Variants in EYS observed in about 807,000 individuals in gnomAD.
EYS encodes the protein protein eyes shut homolog.
In EYS, 250 loss-of-function variants were observed where a neutral mutation model predicts 282.1. The observed-to-expected ratio is 0.89, with a 90% CI of 0.80 to 0.98. The LOEUF (loss-of-function observed/expected upper bound fraction) is 0.98. Among genes scored for constraint, EYS ranks in the 50% least tolerant of loss-of-function variants. EYS has a pLI of 0.00. For missense variants in EYS, 4,016 were observed against 3,709.0 expected, an observed-to-expected ratio of 1.08 and a Z score of -2.15; for synonymous variants, 1,355 against 1,282.9, an observed-to-expected ratio of 1.06 and a Z score of -1.20.
intron 29 of EYS, among the ~76,000 whole-genome samples, chr6:64,332,137 A>C (rs911274763): frequency 7.9e-5 from 12 of 152,294 alleles, no homozygotes; most frequent in African/African-American, 2.9e-4. Flanking sequence ...ACAGCTGTTA[A>C]AGAAGTTTTG....
intron 2 of EYS, among the ~76,000 whole-genome samples, chr6:65,529,387 G>A (rs1767681381): frequency 6.6e-6 from 1 of 152,112 alleles, no homozygotes; most frequent in Admixed American, 6.6e-5. Context: ...AGAATGTGAA[G>A]AAAGATCTGG....
At chr6:64,896,548 T>G (rs9445434) in intron 18 of EYS, among the ~76,000 whole-genome samples, 62 of 29,508 alleles carry the variant, frequency 2.1e-3, no homozygotes, top group Non-Finnish European at 3.4e-3. Context: ...AGTTGTTGTT[T>G]TTTTTTTTTT....
At chr6:64,059,366 T>G (rs532926318) in intron 33 of EYS, among the ~76,000 whole-genome samples, 1 of 152,252 alleles carries the variant, frequency 6.6e-6, no homozygotes, top group East Asian at 1.9e-4. Context: ...TTTGACAATT[T>G]GAAGTGAATT....
At chr6:65,442,131 C>T (rs1205524481) in intron 5 of EYS, among the ~76,000 whole-genome samples, 1 of 151,788 alleles carries the variant, frequency 6.6e-6, no homozygotes, top group East Asian at 1.9e-4. Context: ...GTGTTTTCTT[C>T]TTTAAAAAAT....
chr6:65,339,365 A>G (rs1770112423), intron 10 of EYS, among the ~76,000 whole-genome samples: 2 of 151,248 alleles, frequency 1.3e-5, no homozygotes, highest in Non-Finnish European at 3.0e-5. Context: ...GCTTTCCATG[A>G]TTTCAGTCAC....
intron 13 of EYS, among the ~76,000 whole-genome samples, chr6:65,003,500 T>G (rs553568691): frequency 1.4e-5 from 2 of 147,674 alleles, no homozygotes; most frequent in African/African-American, 4.8e-5. Flanking sequence ...TCCACTTGCC[T>G]TGTGATATTC....
chr6:64,228,480 A>G (rs1235185797), intron 31 of EYS, among the ~76,000 whole-genome samples: 1 of 152,108 alleles, frequency 6.6e-6, no homozygotes, highest in African/African-American at 2.4e-5. Context: ...CTTCAAATGC[A>G]ATTTTGTAAT....
At chr6:65,518,612 C>T (rs143783411) in intron 2 of EYS, among the ~76,000 whole-genome samples, 85 of 152,130 alleles carry the variant, frequency 5.6e-4, no homozygotes, top group African/African-American at 2.0e-3. Flanking sequence ...ATATAAACCC[C>T]ATGAGGGCAA....
chr6:64,722,837 G>A (rs1321400372), intron 22 of EYS, among the ~76,000 whole-genome samples: 1 of 152,006 alleles, frequency 6.6e-6, no homozygotes, highest in Non-Finnish European at 1.5e-5. Context: ...ACATGAATAA[G>A]TTATATAAAG....
intron 33 of EYS, among the ~76,000 whole-genome samples, chr6:64,025,193 TTCTGGGAAAGGGCTC>T (rs61187472): frequency 0.3 from 46,264 of 151,796 alleles, 7,306 homozygotes; most frequent in Middle Eastern, 0.38. Context: ...GTGCCAGGCT[TTCTGGGAAAGGGCTC>T]TCTAACAACC....
intron 12 of EYS, among the ~76,000 whole-genome samples, chr6:65,074,773 T>C (rs1246313787): frequency 6.6e-6 from 1 of 151,946 alleles, no homozygotes; most frequent in Non-Finnish European, 1.5e-5. Flanking sequence ...GGAACATAAT[T>C]GACTGCTGAG....
chr6:64,941,439 T>C (rs1043221447), intron 15 of EYS, among the ~76,000 whole-genome samples: 4 of 152,068 alleles, frequency 2.6e-5, no homozygotes, highest in Admixed American at 1.3e-4. Flanking sequence ...TAGCAATAGC[T>C]ACTAAGAATT....
rs1260312589 is a variant in EYS at position 65,026,916 on chromosome 6, C to CAAAAAAAAAAAAAAAAAAAAA, written c.2138-29214_2138-29213insTTTTTTTTTTTTTTTTTTTTT. Among the ~76,000 whole-genome samples the CAAAAAAAAAAAAAAAAAAAAA allele has an allele frequency of 2.4e-4, 26 of 107,846 alleles. 2 individuals are homozygous for CAAAAAAAAAAAAAAAAAAAAA. Among genetic ancestry groups the CAAAAAAAAAAAAAAAAAAAAA allele is most frequent in the Non-Finnish European group, 4.2e-4 (21 of 50,372 alleles). The allele number at this position is 107,846 out of a possible 152,430, so 70.8% of individuals were successfully genotyped here. A position where few individuals can be genotyped will look rare whatever the true frequency, so the allele number is the denominator to read the frequency against. On this transcript the variant is annotated intron_variant, in intron 13 of 42. Transcript: ENST00000503581. ...TGGGCGACAGAGTGAGACTCCGTCT[C>CAAAAAAAAAAAAAAAAAAAAA]AAAAAAAAAAAAAAGATTCAGATAT...
intron 34 of EYS, 81 bp downstream of exon 34, chr6:63,998,994 A>G: frequency 1.2e-6 from 1 of 824,118 alleles, no homozygotes; most frequent in South Asian, 1.6e-5. Flanking sequence ...AAATATGATT[A>G]CTGCTTAGTA....
intron 35 of EYS, among the ~76,000 whole-genome samples, chr6:63,956,705 T>C (rs1765840022): frequency 6.6e-6 from 1 of 152,240 alleles, no homozygotes; most frequent in South Asian, 2.1e-4. Context: ...ACCATATTCA[T>C]CTTCCATAGC....
In EYS at chr6:65,290,692, A is replaced by G. The variant is rs188824119; in HGVS notation, c.2023+5171T>C. Among the ~76,000 whole-genome samples, 1,030 of 151,526 alleles carry G rather than the reference A, an allele frequency of 6.8e-3. 17 individuals are homozygous for G. Among genetic ancestry groups the G allele is most frequent in the African/African-American group, 0.024 (989 of 41,498 alleles). On this transcript the variant is annotated intron_variant, in intron 12 of 42. Transcript: ENST00000503581. ...TAAGGCCATAAACAAAACTTCTAAT[A>G]AACGCATCTAAAAGACCAAAATTGT...
intron 22 of EYS, among the ~76,000 whole-genome samples, chr6:64,674,459 A>G (rs1223645402): frequency 6.6e-6 from 1 of 152,106 alleles, no homozygotes; most frequent in African/African-American, 2.4e-5. Context: ...TACTGTCAGT[A>G]AAATGAAAGT....
intron 9 of EYS, among the ~76,000 whole-genome samples, chr6:65,351,866 C>T (rs1764289832): frequency 6.6e-6 from 1 of 151,730 alleles, no homozygotes; most frequent in African/African-American, 2.4e-5. Flanking sequence ...TTCAAGAGCT[C>T]CTTCAGATGA....
intron 34 of EYS, among the ~76,000 whole-genome samples, chr6:63,998,567 A>T (rs1382632296): frequency 1.3e-5 from 2 of 152,184 alleles, no homozygotes; most frequent in Non-Finnish European, 2.9e-5. Context: ...CATCATTAAA[A>T]CAGAAAGAAT....
Sources: gnomAD v4.1 joint callset for allele counts (sites outside exome capture counted in the v4.1 genomes callset) on GRCh38, gnomAD v4.1.1 for gene constraint, MANE v1.5 for transcripts, NCBI Gene and HGNC (gene_info 2026-07-23, HGNC 2026-07-21) for gene names.